The following ZNF253 variants were observed in gnomAD, a reference collection of about 807,000 sequenced individuals.
ZNF253 encodes the protein zinc finger protein 253, also known as DNA-binding protein.
In ZNF253, 8 loss-of-function variants were observed where a neutral mutation model predicts 11.9. The observed-to-expected ratio is 0.67, with a 90% CI of 0.40 to 1.22. ZNF253 has a LOEUF of 1.22. Ranked by LOEUF, ZNF253 falls within the 50% of genes most tolerant of loss-of-function variation. ZNF253 has a pLI of 0.01. For synonymous variants in ZNF253, 194 were observed against 194.9 expected (o/e 1.00, Z 0.04); for missense variants, 485 against 586.9 (o/e 0.83, Z 1.79).
At chr19:19,875,768 T>C (rs569749953) in intron 1 of ZNF253, among the ~76,000 whole-genome samples, 1 of 152,156 alleles carries the variant, frequency 6.6e-6, no homozygotes, top group Non-Finnish European at 1.5e-5. Flanking sequence ...TTTTAAAAAG[T>C]TGATGATGGA....
At chr19:19,880,540 A>G (rs1298564080) in intron 3 of ZNF253, among the ~76,000 whole-genome samples, 1 of 152,048 alleles carries the variant, frequency 6.6e-6, no homozygotes, top group Non-Finnish European at 1.5e-5. Context: ...CTCCGTTTCT[A>G]CTAAAAATAC....
chr19:19,885,345 TCTTTCTTTCTTCCTTTC>T lies in ZNF253; in HGVS notation c.226+5200_226+5216del, dbSNP rs1568499271. Among the ~76,000 whole-genome samples, 13 of 69,336 alleles carry T rather than the reference TCTTTCTTTCTTCCTTTC, an allele frequency of 1.9e-4. No homozygotes were observed. The African/African-American group carries it at 2.3e-3, about 12-fold the overall frequency. 45.5% of individuals were successfully genotyped at this position (69,336 alleles called of 152,430 possible). On this transcript the variant is annotated intron_variant, in intron 3 of 3. Coordinates refer to ENST00000589717, the MANE Select transcript of ZNF253 (RefSeq NM_021047.3). ...TTCTTTCTTTCTTTCTTTCTTTCTT[TCTTTCTTTCTTCCTTTC>T]TTTTCTTTCTTTTCTTTCTTTTCTT...
rs1304084838 is a variant in ZNF253 at position 19,894,380 on chromosome 19, T to C, written c.*1633T>C. On this transcript the variant is annotated 3_prime_UTR_variant, in exon 4 of 4. Coordinates refer to ENST00000589717, the MANE Select transcript of ZNF253 (RefSeq NM_021047.3). ...GCATTAGAGATATTAGAGATTGTTT[T>C]TTATTAGTTGGGCATTATGTATGAC... 3 of 152,230 alleles carry C rather than the reference T, an allele frequency of 2.0e-5. No homozygotes were observed. Among genetic ancestry groups the C allele is most frequent in the Non-Finnish European group, 4.4e-5 (3 of 68,036 alleles). 9.4% of individuals were successfully genotyped at this position (152,230 alleles called of 1,614,324 possible).
chr19:19,870,290 G>T (rs1054554766), intron 1 of ZNF253, among the ~76,000 whole-genome samples: 1 of 151,630 alleles, frequency 6.6e-6, no homozygotes, highest in African/African-American at 2.4e-5. Context: ...TACTTGGCAG[G>T]CTGAGGCAGG....
At chr19:19,872,583 T>TATATATATATTATTATA (rs371297261) in intron 1 of ZNF253, among the ~76,000 whole-genome samples, 1 of 120,766 alleles carries the variant, frequency 8.3e-6, no homozygotes, top group African/African-American at 4.1e-5. Context: ...ATATATATTA[T>TATATATATATTATTATA]TATATATATA....
At chr19:19,872,580 T>TATATATATTATTATATATATATATATA (rs1555777030) in intron 1 of ZNF253, among the ~76,000 whole-genome samples, 6 of 108,438 alleles carry the variant, frequency 5.5e-5, no homozygotes, top group African/African-American at 3.1e-4. Flanking sequence ...TATATATATA[T>TATATATATTATTATATATATATATATA]TATTATATAT....
chr19:19,875,159 C>T (rs2063149988), intron 1 of ZNF253, among the ~76,000 whole-genome samples: 1 of 152,076 alleles, frequency 6.6e-6, no homozygotes, highest in African/African-American at 2.4e-5. Context: ...ATCCTGCTGC[C>T]TTTCTAGAGC....
intron 1 of ZNF253, among the ~76,000 whole-genome samples, chr19:19,876,940 A>G (rs1292068037): frequency 1.3e-5 from 2 of 152,072 alleles, no homozygotes; most frequent in African/African-American, 4.8e-5. Flanking sequence ...AGCTTCTTAT[A>G]TGCCATGCAG....
intron 3 of ZNF253, among the ~76,000 whole-genome samples, chr19:19,885,383 T>TGAGATGGAG: frequency 1.1e-5 from 1 of 88,608 alleles, no homozygotes; most frequent in African/African-American, 7.9e-5. Flanking sequence ...TTTCTTTCTT[T>TGAGATGGAG]TCTTTCTTTT....
At chr19:19,874,367 T>C (rs568973127) in intron 1 of ZNF253, among the ~76,000 whole-genome samples, 1 of 151,778 alleles carries the variant, frequency 6.6e-6, no homozygotes, top group Admixed American at 6.6e-5. Context: ...TTACTAAAAA[T>C]ACAAAAATTA....
intron 1 of ZNF253, among the ~76,000 whole-genome samples, chr19:19,869,053 T>C (rs999840108): frequency 6.6e-6 from 1 of 152,194 alleles, no homozygotes; most frequent in African/African-American, 2.4e-5. Flanking sequence ...TTTTTCATTT[T>C]TAGTCCTTTA....
At chr19:19,868,051 T>G (rs1009064333) in intron 1 of ZNF253, among the ~76,000 whole-genome samples, 2 of 152,070 alleles carry the variant, frequency 1.3e-5, no homozygotes, top group Admixed American at 1.3e-4. Context: ...GAGATTTTTT[T>G]TTTCTTGTAA....
intron 1 of ZNF253, among the ~76,000 whole-genome samples, chr19:19,874,385 A>C (rs1470620052): frequency 6.6e-6 from 1 of 152,056 alleles, no homozygotes; most frequent in Non-Finnish European, 1.5e-5. Flanking sequence ...TTAGCTAGGC[A>C]TGGCGGCACA....
chr19:19,888,144 A>G (rs2063213956), intron 3 of ZNF253, among the ~76,000 whole-genome samples: 1 of 147,294 alleles, frequency 6.8e-6, no homozygotes, highest in Admixed American at 6.8e-5. Flanking sequence ...GCTCACTGCA[A>G]CCTCTGCCTC....
At chr19:19,877,846 C>T (rs1002971748) in intron 1 of ZNF253, among the ~76,000 whole-genome samples, 1 of 152,142 alleles carries the variant, frequency 6.6e-6, no homozygotes, top group African/African-American at 2.4e-5. Context: ...CATAAACCAT[C>T]ACACTTAATC....
intron 1 of ZNF253, among the ~76,000 whole-genome samples, chr19:19,874,291 C>T (rs181431441): frequency 1.5e-4 from 23 of 152,070 alleles, no homozygotes; most frequent in Admixed American, 1.3e-3. Context: ...TTTGGGAGGC[C>T]GAAGCGGGCA....
intron 3 of ZNF253, among the ~76,000 whole-genome samples, chr19:19,881,185 TTTTA>T (rs1202439394): frequency 1.3e-5 from 2 of 152,198 alleles, no homozygotes; most frequent in African/African-American, 2.4e-5. Flanking sequence ...GATCTTCCTT[TTTTA>T]TTTATTTTTT....
chr19:19,867,916 T>C (rs1335172542), intron 1 of ZNF253, among the ~76,000 whole-genome samples: 1 of 151,720 alleles, frequency 6.6e-6, no homozygotes, highest in African/African-American at 2.4e-5. Flanking sequence ...TGGTATCTCA[T>C]TGTGGTTTCT....
At chr19:19,865,860 C>G, upstream of ZNF253, 1 of 1,172,970 alleles carries the variant, frequency 8.5e-7, no homozygotes, top group Non-Finnish European at 1.3e-6. Flanking sequence ...GCCTTTGTTT[C>G]TCGCTGCAGC....
Sources: allele counts gnomAD v4.1 joint callset (sites outside exome capture counted in the v4.1 genomes callset), GRCh38; gene constraint gnomAD v4.1.1; transcripts MANE v1.5; gene names NCBI Gene and HGNC (gene_info 2026-07-23, HGNC 2026-07-21).